MARCHF1: variants seen among roughly 807,000 people sequenced by gnomAD.
MARCHF1 encodes the protein E3 ubiquitin-protein ligase MARCHF1.
MARCHF1 carries 40 observed loss-of-function variants against 54.2 expected under a neutral mutation model. That is an observed-to-expected ratio of 0.74 (90% confidence interval 0.57 to 0.96). The LOEUF is 0.96. Among genes scored for constraint, MARCHF1 ranks in the 40% least tolerant of loss-of-function variants. MARCHF1 has a pLI of 0.00. For missense variants in MARCHF1, 586 were observed against 656.5 expected, an observed-to-expected ratio of 0.89 and a Z score of 1.17; for synonymous variants, 236 against 236.3, an observed-to-expected ratio of 1.00 and a Z score of 0.01.
chr4:164,159,930 A>G (rs1324736322), intron 1 of MARCHF1, among the ~76,000 whole-genome samples: 1 of 152,130 alleles, frequency 6.6e-6, no homozygotes, highest in Admixed American at 6.6e-5. Context: ...TATGACATTC[A>G]GTGTTCTGAC....
intron 5 of MARCHF1, among the ~76,000 whole-genome samples, chr4:163,685,295 A>G (rs1374921047): frequency 6.6e-6 from 1 of 152,132 alleles, no homozygotes; most frequent in Non-Finnish European, 1.5e-5. Flanking sequence ...ATAAATCTTA[A>G]ACATGTGACA....
intron 1 of MARCHF1, among the ~76,000 whole-genome samples, chr4:164,266,096 A>G (rs1180190408): frequency 6.6e-6 from 1 of 152,218 alleles, no homozygotes; most frequent in Non-Finnish European, 1.5e-5. Flanking sequence ...CACTAAATAA[A>G]TGAACAAGTG....
intron 2 of MARCHF1, among the ~76,000 whole-genome samples, chr4:164,029,160 T>C (rs1025391564): frequency 6.6e-6 from 1 of 152,144 alleles, no homozygotes; most frequent in African/African-American, 2.4e-5. Context: ...AAAGAAATAA[T>C]TGATACTTGG....
chr4:163,546,101 G>A (rs1489739187), intron 8 of MARCHF1, among the ~76,000 whole-genome samples: 1 of 152,022 alleles, frequency 6.6e-6, no homozygotes, highest in East Asian at 1.9e-4. Context: ...AGCCCCCAGA[G>A]TAGCTGGGAC....
At chr4:164,178,710 T>C (rs1012200520) in intron 1 of MARCHF1, among the ~76,000 whole-genome samples, 5 of 152,144 alleles carry the variant, frequency 3.3e-5, no homozygotes, top group Non-Finnish European at 7.3e-5. Context: ...TTTTCTCTCT[T>C]AAAATGCAGC....
chr4:164,352,069 TA>T (rs1730358768), intron 1 of MARCHF1, among the ~76,000 whole-genome samples: 1 of 125,568 alleles, frequency 8.0e-6, no homozygotes, highest in Admixed American at 7.7e-5. Context: ...GAAAAAAGAA[TA>T]AAAAGAAATG....
intron 8 of MARCHF1, among the ~76,000 whole-genome samples, chr4:163,546,908 A>G (rs1241444516): frequency 6.6e-6 from 1 of 152,226 alleles, no homozygotes; most frequent in African/African-American, 2.4e-5. Context: ...CTTCATTATT[A>G]TGTTAGGAAT....
At chr4:164,076,136 T>TAAC (rs57287504) in intron 2 of MARCHF1, among the ~76,000 whole-genome samples, 5,793 of 150,422 alleles carry the variant, frequency 0.039, 147 homozygotes, top group Middle Eastern at 0.071. Context: ...AATAATTTTC[T>TAAC]AACAACAACA....
intron 2 of MARCHF1, among the ~76,000 whole-genome samples, chr4:164,002,362 AC>A (rs750727299): frequency 1.1e-4 from 17 of 151,800 alleles, no homozygotes; most frequent in South Asian, 4.1e-4. Flanking sequence ...AAGTAAAAAA[AC>A]AAATGGAAAA....
intron 4 of MARCHF1, among the ~76,000 whole-genome samples, chr4:163,723,562 T>C (rs1024604798): frequency 6.6e-6 from 1 of 152,200 alleles, no homozygotes; most frequent in East Asian, 1.9e-4. Flanking sequence ...TGAATTTGAA[T>C]GTTGGCCTGC....
chr4:164,165,993 C>T (rs1176715774), intron 1 of MARCHF1, among the ~76,000 whole-genome samples: 1 of 151,728 alleles, frequency 6.6e-6, no homozygotes, highest in Non-Finnish European at 1.5e-5. Context: ...AGTATAGAGG[C>T]TGAATATGCT....
At chr4:163,618,138 T>C (rs1021998646) in intron 5 of MARCHF1, among the ~76,000 whole-genome samples, 1 of 152,168 alleles carries the variant, frequency 6.6e-6, no homozygotes, top group Non-Finnish European at 1.5e-5. Flanking sequence ...AAATAGGTCA[T>C]ATCAAATATT....
At chr4:163,836,764 A>G (rs571654787) in intron 4 of MARCHF1, among the ~76,000 whole-genome samples, 2 of 119,850 alleles carry the variant, frequency 1.7e-5, no homozygotes, top group Non-Finnish European at 3.7e-5. Flanking sequence ...CAAGTGCGCC[A>G]TTGGCAGCAA....
chr4:163,563,047 AT>A (rs1320162450), intron 8 of MARCHF1, among the ~76,000 whole-genome samples: 1 of 152,126 alleles, frequency 6.6e-6, no homozygotes, highest in African/African-American at 2.4e-5. Context: ...TTCTCCACAC[AT>A]TGCTGTGGAG....
At chr4:163,963,310 T>C (rs2110816755) in intron 3 of MARCHF1, among the ~76,000 whole-genome samples, 1 of 152,042 alleles carries the variant, frequency 6.6e-6, no homozygotes, top group East Asian at 1.9e-4. Context: ...AGTGACTTTA[T>C]AACCTCCAAA....
chr4:163,630,352 C>A (rs904768147), intron 5 of MARCHF1, among the ~76,000 whole-genome samples: 1 of 152,142 alleles, frequency 6.6e-6, no homozygotes, highest in Non-Finnish European at 1.5e-5. Flanking sequence ...ATACAAGCAT[C>A]ATTCTATTTA....
intron 8 of MARCHF1, among the ~76,000 whole-genome samples, chr4:163,557,712 C>G (rs985248602): frequency 6.6e-6 from 1 of 150,708 alleles, no homozygotes. Flanking sequence ...CCTTGCTTTT[C>G]TTTTGCCTAT....
chr4:163,752,246 A>G (rs1269375395), intron 4 of MARCHF1, among the ~76,000 whole-genome samples: 1 of 152,234 alleles, frequency 6.6e-6, no homozygotes. Context: ...AGAAGGCAAC[A>G]TAAGAAAATA....
chr4:163,548,840 A>G (rs1342398730), intron 8 of MARCHF1, among the ~76,000 whole-genome samples: 1 of 152,362 alleles, frequency 6.6e-6, no homozygotes, highest in East Asian at 1.9e-4. Flanking sequence ...TGGAGAGGAT[A>G]AGGATAGAAA....
Sources: allele counts gnomAD v4.1 joint callset (sites outside exome capture counted in the v4.1 genomes callset), GRCh38; gene constraint gnomAD v4.1.1; transcripts MANE v1.5; gene names NCBI Gene and HGNC (gene_info 2026-07-23, HGNC 2026-07-21).